The following GLP2R variants were observed in gnomAD, a reference collection of about 807,000 sequenced individuals.
GLP2R encodes the protein glucagon-like peptide 2 receptor.
Under a neutral mutation model 68.2 loss-of-function variants are expected in GLP2R, and 59 were observed. The observed-to-expected ratio is 0.87, with a 90% confidence interval of 0.70 to 1.07. GLP2R has a LOEUF of 1.07. Among genes scored for constraint, GLP2R ranks in the 50% least tolerant of loss-of-function variants. The pLI is 0.00. For missense variants in GLP2R, 548 were observed against 677.4 expected, an observed-to-expected ratio of 0.81 and a Z score of 2.12; for synonymous variants, 270 against 265.4, an observed-to-expected ratio of 1.02 and a Z score of -0.17.
chr17:9,881,950 G>C (rs2067200102), intron 11 of GLP2R, among the ~76,000 whole-genome samples: 1 of 150,532 alleles, frequency 6.6e-6, no homozygotes, highest in African/African-American at 2.4e-5. Context: ...AGATGATAAA[G>C]AGAGGATCTA....
chr17:9,864,229 G>A (rs966851796), intron 9 of GLP2R, among the ~76,000 whole-genome samples: 4 of 152,200 alleles, frequency 2.6e-5, no homozygotes, highest in African/African-American at 9.6e-5. Context: ...CTCAGACCGG[G>A]TAGCACCAGC....
At chr17:9,857,333 A>G in intron 5 of GLP2R, 90 bp from the exon 6 acceptor site, 1 of 1,121,500 alleles carries the variant, frequency 8.9e-7, no homozygotes, top group Non-Finnish European at 1.3e-6. Flanking sequence ...CTCTGTCTTT[A>G]GTGATAGATA....
intron 9 of GLP2R, among the ~76,000 whole-genome samples, chr17:9,863,146 C>A (rs1447473115): frequency 6.6e-6 from 1 of 152,082 alleles, no homozygotes; most frequent in African/African-American, 2.4e-5. Context: ...GAGGTCTGGG[C>A]ACACACACCC....
At chr17:9,882,207 G>A (rs951230793) in intron 11 of GLP2R, among the ~76,000 whole-genome samples, 2 of 152,176 alleles carry the variant, frequency 1.3e-5, no homozygotes, top group African/African-American at 4.8e-5. Context: ...CACTGAAGAG[G>A]GAGGCTGACT....
In GLP2R at chr17:9,892,084, A is replaced by C. The variant is rs530182587; in HGVS notation, c.*2379A>C. 6.6e-6 allele frequency: 1 copy of C among 152,342 alleles called. No individual in the cohort carries two copies. Among genetic ancestry groups the C allele is most frequent in the Non-Finnish European group, 1.5e-5 (1 of 68,038 alleles). 9.4% of individuals were successfully genotyped at this position (152,342 alleles called of 1,614,324 possible). A position where few individuals can be genotyped will look rare whatever the true frequency, so the allele number is the denominator to read the frequency against. ...CTTGCTCTTGTTCTGCTAATGATTA[A>C]AACAAGTTTATTTAATTTCATTTGC... is the stretch of plus-strand genomic sequence containing the variant. On this transcript the variant is annotated 3_prime_UTR_variant, in exon 13 of 13. Coordinates refer to ENST00000262441, the MANE Select transcript of GLP2R (RefSeq NM_004246.3).
At chr17:9,833,178 C>T (rs182587250) in intron 1 of GLP2R, among the ~76,000 whole-genome samples, 77 of 151,976 alleles carry the variant, frequency 5.1e-4, no homozygotes, top group Non-Finnish European at 2.5e-4. Flanking sequence ...GCAGGAGAAT[C>T]GCTTGAACCC....
chr17:9,874,189 C>A (rs566318012), intron 10 of GLP2R, among the ~76,000 whole-genome samples: 2 of 152,166 alleles, frequency 1.3e-5, no homozygotes, highest in African/African-American at 4.8e-5. Context: ...GCGTACCCAC[C>A]AGGAGCCATT....
In GLP2R at chr17:9,857,440, G is replaced by A. The variant is rs905339283; in HGVS notation, c.629G>A (p.Arg210His). The part of the protein sequence containing the change: ...LLFLRKLHCT[R>H]NYIHMNLFAS... Reference sequence around the variant, plus strand: ...TCGCACAGAAAACTCCACTGCACGCGCAACTACATCCACATGAACTTGTTT... The same window carrying A: ...TCGCACAGAAAACTCCACTGCACGCACAACTACATCCACATGAACTTGTTT... The change falls in exon 6 of 13, where the codon CGC (arginine) becomes CAC (histidine). Residue 210 changes from arginine to histidine, a missense_variant. Arg to His is a conservative substitution (Grantham distance 29). Transcript: ENST00000262441. The A allele has an allele frequency of 5.6e-6, 9 of 1,614,036 alleles. No homozygotes were observed. Among genetic ancestry groups the A allele is most frequent in the African/African-American group, 2.7e-5 (2 of 74,912 alleles).
At chr17:9,881,846 G>A (rs1031086440) in intron 11 of GLP2R, among the ~76,000 whole-genome samples, 8 of 152,174 alleles carry the variant, frequency 5.3e-5, no homozygotes, top group Non-Finnish European at 8.8e-5. Context: ...TAATGCAACA[G>A]ATTACCACTA....
chr17:9,831,521 G>A (rs980406381), intron 1 of GLP2R, among the ~76,000 whole-genome samples: 19 of 152,204 alleles, frequency 1.2e-4, no homozygotes, highest in African/African-American at 4.6e-4. Flanking sequence ...GAGTGGTTAA[G>A]TGTGGCCAAG....
At position 9,872,892 on chromosome 17, in the gene GLP2R, C is replaced by T. The variant is rs115983910; in HGVS notation, c.1145+2057C>T. 4.4e-3 allele frequency among the ~76,000 whole-genome samples: 675 copies of T among 152,322 alleles called. 8 individuals carry two copies. The highest frequency in any genetic ancestry group is 0.015 in the African/African-American group (640 of 41,584). On this transcript the variant is annotated intron_variant, in intron 10 of 12. Transcript: ENST00000262441. Reference sequence around the variant, plus strand: ...CCTCTAGGAGGTCTAGAAGGGTAAACATACCCGGTTCAATAATGGGCAGAC... The same window carrying T: ...CCTCTAGGAGGTCTAGAAGGGTAAATATACCCGGTTCAATAATGGGCAGAC...
chr17:9,850,351 T>A (rs1333877375), intron 4 of GLP2R, among the ~76,000 whole-genome samples: 1 of 152,228 alleles, frequency 6.6e-6, no homozygotes, highest in Non-Finnish European at 1.5e-5. Context: ...CCTGCCCGTA[T>A]CCCTTTGCCC....
rs571941127 is a variant in GLP2R, at chr17:9,880,349, C to G, written c.1146-29C>G. 11 of 1,514,686 alleles carry G rather than the reference C, an allele frequency of 7.3e-6. 1 individual carries two copies. The South Asian group carries it at 1.3e-4, about 19-fold the overall frequency. 93.8% of individuals were successfully genotyped at this position (1,514,686 alleles called of 1,614,324 possible). On this transcript the variant is annotated intron_variant, in intron 10 of 12. Transcript: ENST00000262441. ...TGTTGCTTGTTCCCCATGTGGCCCT[C>G]TTGACTGTTATTTGGTTGTCATTTA... is the stretch of plus-strand genomic sequence containing the variant.
intron 12 of GLP2R, 83 bp downstream of exon 12, chr17:9,888,056 G>A: frequency 2.1e-6 from 2 of 962,052 alleles, no homozygotes; most frequent in Non-Finnish European, 1.7e-6. Context: ...CTGTGGATGG[G>A]ATGATGCTAC....
intron 1 of GLP2R, among the ~76,000 whole-genome samples, chr17:9,832,479 T>C (rs2066689610): frequency 6.6e-6 from 1 of 152,132 alleles, no homozygotes. Flanking sequence ...GGAGAATCGC[T>C]TGAACCCAGG....
In GLP2R at chr17:9,860,853, T is replaced by A. The variant is rs1303285506; in HGVS notation, c.926-286T>A. ...GCTACAGGATTCAGAGGAAATAACCTGGGCCAGTAATTCAGGAGATTCGGG... is the reference window on the plus strand; with the variant it reads ...GCTACAGGATTCAGAGGAAATAACCAGGGCCAGTAATTCAGGAGATTCGGG... On this transcript the variant is annotated intron_variant, in intron 7 of 12. Transcript: ENST00000262441. Among the ~76,000 whole-genome samples, 3 of 152,214 alleles carry A rather than the reference T, an allele frequency of 2.0e-5. No individual in the cohort carries two copies. In the East Asian group the frequency reaches 5.8e-4, roughly 29 times the overall value.
At chr17:9,832,416 T>G (rs2066688876) in intron 1 of GLP2R, among the ~76,000 whole-genome samples, 1 of 151,962 alleles carries the variant, frequency 6.6e-6, no homozygotes, top group East Asian at 1.9e-4. Flanking sequence ...CTACTAAAAA[T>G]ACAAAAATTA....
chr17:9,826,965 G>A (rs1025312901), intron 1 of GLP2R, among the ~76,000 whole-genome samples: 14 of 152,046 alleles, frequency 9.2e-5, no homozygotes, highest in African/African-American at 2.7e-4. Context: ...TCTGCCTCCC[G>A]GGTTCAAGTG....
At chr17:9,888,253 T>C (rs16958907) in intron 12 of GLP2R, among the ~76,000 whole-genome samples, 7,936 of 152,184 alleles carry the variant, frequency 0.052, 677 homozygotes, top group African/African-American at 0.18. Flanking sequence ...GAAACAAGCT[T>C]GAACCTCAGA....
Sources: gnomAD v4.1 joint callset for allele counts (sites outside exome capture counted in the v4.1 genomes callset) on GRCh38, gnomAD v4.1.1 for gene constraint, MANE v1.5 for transcripts, NCBI Gene and HGNC (gene_info 2026-07-23, HGNC 2026-07-21) for gene names.